The following CLTRN variants were observed in gnomAD, a reference collection of about 807,000 sequenced individuals.
CLTRN encodes collectrin.
CLTRN carries 12 observed loss-of-function variants against 14.5 expected under a neutral mutation model. That is an observed-to-expected ratio of 0.83 (90% CI 0.53 to 1.34). CLTRN has a LOEUF of 1.34. Among genes scored for constraint, CLTRN ranks in the 40% most tolerant of loss-of-function variants. CLTRN has a pLI of 0.00. For synonymous variants in CLTRN, 58 were observed against 56.5 expected, an observed-to-expected ratio of 1.03 and a Z score of -0.12; for missense variants, 154 against 165.1, an observed-to-expected ratio of 0.93 and a Z score of 0.37.
intron 1 of CLTRN, among the ~76,000 whole-genome samples, chrX:15,673,573 A>T (rs1169213654): frequency 8.9e-6 from 1 of 112,429 alleles, no homozygotes. Context: ...ATTTTATATA[A>T]ATGAGATAGA....
At chrX:15,659,868 C>T (rs1040050541) in intron 2 of CLTRN, among the ~76,000 whole-genome samples, 4 of 111,944 alleles carry the variant, frequency 3.6e-5, no homozygotes, top group Non-Finnish European at 5.6e-5. Flanking sequence ...AATAAATTTC[C>T]GTTGTGTAAG....
chrX:15,669,870 G>C (rs976650480), intron 1 of CLTRN, among the ~76,000 whole-genome samples: 2 of 112,217 alleles, frequency 1.8e-5, no homozygotes, highest in Non-Finnish European at 3.8e-5. Flanking sequence ...ACATTATTCT[G>C]TATATTTTTA....
upstream of CLTRN, among the ~76,000 whole-genome samples, chrX:15,667,281 C>T (rs1411108606): frequency 9.0e-6 from 1 of 111,585 alleles, no homozygotes; most frequent in Non-Finnish European, 1.9e-5. Flanking sequence ...AAGAAATCTG[C>T]TTCAGCTTTC....
chrX:15,640,000 T>C (rs1401900285), intron 4 of CLTRN, among the ~76,000 whole-genome samples: 1 of 112,167 alleles, frequency 8.9e-6, no homozygotes, highest in Non-Finnish European at 1.9e-5. Flanking sequence ...GTTGTGAATG[T>C]CCAGAAGTCC....
At chrX:15,654,368 C>T (rs1269820329) in intron 3 of CLTRN, among the ~76,000 whole-genome samples, 1 of 112,702 alleles carries the variant, frequency 8.9e-6, no homozygotes, top group Non-Finnish European at 1.9e-5. Flanking sequence ...TTTGAGTAAA[C>T]TAGGCATATT....
At chrX:15,630,629 A>G (rs111756111) in intron 5 of CLTRN, among the ~76,000 whole-genome samples, 2,140 of 112,313 alleles carry the variant, frequency 0.019, 46 homozygotes, top group African/African-American at 0.064. Flanking sequence ...ACTGAATTGC[A>G]GATGCCACAT....
At chrX:15,646,473 C>CCCCCCCCCCCCCCCA in intron 3 of CLTRN, 3 of 258,335 alleles carry the variant, frequency 1.2e-5, no homozygotes, top group Non-Finnish European at 2.3e-5. Flanking sequence ...CCCCCCCGCC[C>CCCCCCCCCCCCCCCA]GACCCCCGCG....
At chrX:15,648,918 A>C (rs1386034066) in intron 3 of CLTRN, among the ~76,000 whole-genome samples, 2 of 112,482 alleles carry the variant, frequency 1.8e-5, no homozygotes, top group Admixed American at 1.9e-4. Context: ...AATACCAAAT[A>C]GAATTTCAGG....
chrX:15,630,185 G>A (rs1279858482), intron 5 of CLTRN, among the ~76,000 whole-genome samples: 1 of 111,611 alleles, frequency 9.0e-6, no homozygotes, highest in Non-Finnish European at 1.9e-5. Flanking sequence ...ATTGCTGGTT[G>A]GCTAGATGAT....
chrX:15,655,568 C>G (rs138235623), intron 3 of CLTRN, among the ~76,000 whole-genome samples: 3 of 112,250 alleles, frequency 2.7e-5, no homozygotes, highest in Non-Finnish European at 3.8e-5. Context: ...TCCAAAGCCT[C>G]TGCTTGGCCC....
chrX:15,647,029 G>A (rs116029820), intron 3 of CLTRN, among the ~76,000 whole-genome samples: 4,417 of 112,473 alleles, frequency 0.039, 206 homozygotes, highest in African/African-American at 0.13. Context: ...CCAGGCGCCC[G>A]GTCGCCGCAG....
intron 1 of CLTRN, among the ~76,000 whole-genome samples, chrX:15,673,987 C>T (rs1292655608): frequency 8.9e-6 from 1 of 112,486 alleles, no homozygotes; most frequent in African/African-American, 3.2e-5. Flanking sequence ...CACCTATCAA[C>T]TCCTTTATTA....
chrX:15,650,064 T>C (rs1191133455), intron 3 of CLTRN, among the ~76,000 whole-genome samples: 1 of 98,665 alleles, frequency 1.0e-5, no homozygotes, highest in Non-Finnish European at 2.0e-5. Context: ...TTGTATGATA[T>C]ATAGCAGCAT....
chrX:15,636,421 A>G (rs1318449733), intron 5 of CLTRN, among the ~76,000 whole-genome samples: 1 of 112,422 alleles, frequency 8.9e-6, no homozygotes, highest in East Asian at 2.8e-4. Flanking sequence ...CAGTATGCTA[A>G]ATGAAATAAG....
At chrX:15,669,773 T>C (rs1169008172), upstream of CLTRN, among the ~76,000 whole-genome samples, 3 of 112,251 alleles carry the variant, frequency 2.7e-5, no homozygotes, top group African/African-American at 3.2e-5. Flanking sequence ...AAATTGACCC[T>C]GGTTATTTTG....
intron 2 of CLTRN, among the ~76,000 whole-genome samples, chrX:15,662,323 C>T (rs915795191): frequency 6.3e-5 from 7 of 111,112 alleles, no homozygotes; most frequent in African/African-American, 2.3e-4. Context: ...TCCATAGACA[C>T]GTCTTAGCCG....
At chrX:15,670,879 A>AGT (rs543420208) in intron 1 of CLTRN, among the ~76,000 whole-genome samples, 162 of 85,079 alleles carry the variant, frequency 1.9e-3, no homozygotes, top group Non-Finnish European at 3.0e-3. Context: ...AAGGGAGACA[A>AGT]GTGTGTGTGT....
chrX:15,646,462 A>AC (rs111413791), intron 3 of CLTRN: 37,254 of 166,447 alleles, frequency 0.22, 3,077 homozygotes, highest in African/African-American at 0.35. Flanking sequence ...CCGCGCACCC[A>AC]CCCCCCCGCC....
chrX:15,659,093 C>A lies in CLTRN; in HGVS notation c.126G>T (p.Trp42Cys), dbSNP rs1489554514. 2 of 1,152,151 alleles carry A rather than the reference C, an allele frequency of 1.7e-6. No homozygotes were observed. The highest frequency in any genetic ancestry group is 4.5e-5 in the Admixed American group (2 of 44,627). The allele number at this position is 1,152,151 out of a possible 1,213,427, so 95.0% of individuals were successfully genotyped here. The change falls in exon 3 of 6, where the codon TGG (tryptophan) becomes TGT (cysteine). Residue 42 changes from tryptophan to cysteine, a missense_variant. Trp to Cys is a radical substitution (Grantham distance 215). Coordinates refer to ENST00000380342, the MANE Select transcript of CLTRN (RefSeq NM_020665.6). ...RTALGDKAYAWDTNEEYLFKA... is the reference protein window; with the variant it reads ...RTALGDKAYACDTNEEYLFKA... ...TGAAGAGGTATTCTTCATTGGTATC[C>A]CAGGCATACTGAAAAAGAAGGAAAA... is the stretch of plus-strand genomic sequence containing the variant.
Sources: allele counts gnomAD v4.1 joint callset (sites outside exome capture counted in the v4.1 genomes callset), GRCh38; gene constraint gnomAD v4.1.1; transcripts MANE v1.5; gene names NCBI Gene and HGNC (gene_info 2026-07-23, HGNC 2026-07-21).